Variants in CD200R1L observed in about 807,000 individuals in gnomAD.
The protein encoded by CD200R1L is cell surface glycoprotein CD200 receptor 2.
Under a neutral mutation model 24.8 loss-of-function variants are expected in CD200R1L, and 14 were observed. The observed-to-expected ratio is 0.56, with a 90% CI of 0.37 to 0.88. The LOEUF is 0.88. Ranked by LOEUF, CD200R1L falls within the 40% of genes least tolerant of loss-of-function variation. The probability of loss-of-function intolerance (pLI) is 0.00; values close to 1 mark genes in which losing one functional copy is unlikely to be tolerated. For missense variants in CD200R1L, 299 were observed against 297.8 expected (o/e 1.00, Z -0.03); for synonymous variants, 111 against 109.2 (o/e 1.02, Z -0.11).
At chr3:112,823,211 C>T (rs1464585414) in intron 6 of CD200R1L, among the ~76,000 whole-genome samples, 2 of 152,190 alleles carry the variant, frequency 1.3e-5, no homozygotes, top group African/African-American at 2.4e-5. Flanking sequence ...TCTGTGTTAC[C>T]CGAATGGCTG....
At chr3:112,831,655 G>A (rs921714232) in intron 3 of CD200R1L, among the ~76,000 whole-genome samples, 19 of 152,200 alleles carry the variant, frequency 1.2e-4, no homozygotes, top group African/African-American at 4.1e-4. Flanking sequence ...TGGACACAGG[G>A]AAAGCACCAT....
chr3:112,822,486 C>T (rs538280604), intron 6 of CD200R1L, among the ~76,000 whole-genome samples: 1 of 152,256 alleles, frequency 6.6e-6, no homozygotes, highest in East Asian at 1.9e-4. Context: ...AGAGCCTCCA[C>T]AAAAACTCTA....
intron 3 of CD200R1L, among the ~76,000 whole-genome samples, chr3:112,836,620 G>A (rs980162135): frequency 2.0e-5 from 3 of 152,302 alleles, no homozygotes; most frequent in Admixed American, 1.3e-4. Context: ...CAACAGTGAC[G>A]AATTTGCCAA....
Position 112,837,992 on chromosome 3 carries a change from C to T in CD200R1L, c.-68G>A, listed in dbSNP as rs1938998186. The T allele has an allele frequency of 1.6e-6, 2 of 1,237,498 alleles. No individual in the cohort carries two copies. Among genetic ancestry groups the T allele is most frequent in the Non-Finnish European group, 2.1e-6 (2 of 965,232 alleles). 76.7% of individuals were successfully genotyped at this position (1,237,498 alleles called of 1,614,324 possible). A position where few individuals can be genotyped will look rare whatever the true frequency, so the allele number is the denominator to read the frequency against. ...TTGTATTTCCAGTTGTGTCATCAGA[C>T]AGGAATTATTATCTGAGGCTAGAAA... On this transcript the variant is annotated 5_prime_UTR_variant, in exon 3 of 8. Coordinates refer to ENST00000488794, the MANE Select transcript of CD200R1L (RefSeq NM_001199215.3).
intron 7 of CD200R1L, among the ~76,000 whole-genome samples, chr3:112,817,472 G>T (rs2107325344): frequency 6.6e-6 from 1 of 152,148 alleles, no homozygotes; most frequent in South Asian, 2.1e-4. Flanking sequence ...TCCAGGCCTG[G>T]CCCATAAACA....
chr3:112,842,238 C>T (rs751314554), intron 2 of CD200R1L, among the ~76,000 whole-genome samples: 17 of 152,164 alleles, frequency 1.1e-4, no homozygotes, highest in Non-Finnish European at 2.2e-4. Context: ...AGCAGTGTTG[C>T]GGGAAGTCAG....
chr3:112,838,168 A>G (rs1465247741), intron 2 of CD200R1L, among the ~76,000 whole-genome samples, 158 bp from the exon 3 acceptor site: 1 of 146,714 alleles, frequency 6.8e-6, no homozygotes, highest in African/African-American at 2.8e-5. Flanking sequence ...TCTACATAAA[A>G]GAAATCAGCA....
At chr3:112,829,138 T>A (rs1260595250) in intron 4 of CD200R1L, among the ~76,000 whole-genome samples, 181 bp downstream of exon 4, 1 of 152,060 alleles carries the variant, frequency 6.6e-6, no homozygotes, top group Non-Finnish European at 1.5e-5. Flanking sequence ...TAAGCAAGAG[T>A]ATGGCTTGTT....
At chr3:112,839,358 G>A (rs1939030219) in intron 2 of CD200R1L, among the ~76,000 whole-genome samples, 1 of 152,164 alleles carries the variant, frequency 6.6e-6, no homozygotes, top group Non-Finnish European at 1.5e-5. Flanking sequence ...GATAATCCTA[G>A]TCAAATACTT....
chr3:112,817,858 G>T (rs571544545), intron 7 of CD200R1L, among the ~76,000 whole-genome samples: 4 of 152,320 alleles, frequency 2.6e-5, no homozygotes, highest in South Asian at 4.1e-4. Context: ...ACAAAAAGAG[G>T]TTTAATTGGA....
chr3:112,844,857 G>C (rs912617301), intron 2 of CD200R1L, among the ~76,000 whole-genome samples: 10 of 152,182 alleles, frequency 6.6e-5, no homozygotes, highest in Admixed American at 6.5e-4. Context: ...CCAGGAGGCA[G>C]AGGTTGCAGT....
At chr3:112,844,548 T>C (rs1939156446) in intron 2 of CD200R1L, among the ~76,000 whole-genome samples, 1 of 152,090 alleles carries the variant, frequency 6.6e-6, no homozygotes, top group African/African-American at 2.4e-5. Context: ...GCAAAAACAG[T>C]ATTAAGAGAA....
intron 2 of CD200R1L, among the ~76,000 whole-genome samples, chr3:112,842,759 G>C (rs1005463371): frequency 1.3e-5 from 2 of 152,130 alleles, no homozygotes; most frequent in African/African-American, 2.4e-5. Context: ...CGGGAGATGC[G>C]CCTGGTCTTC....
At chr3:112,819,934 T>C (rs1938493787) in intron 6 of CD200R1L, 39 bp from the exon 7 acceptor site, 1 of 1,528,502 alleles carries the variant, frequency 6.5e-7, no homozygotes, top group African/African-American at 1.4e-5. Context: ...ATTTCAAGCA[T>C]TCTTCTAGTT....
chr3:112,834,234 CTTTTT>C (rs5851866), intron 3 of CD200R1L, among the ~76,000 whole-genome samples: 6 of 93,344 alleles, frequency 6.4e-5, no homozygotes, highest in East Asian at 3.2e-4. Flanking sequence ...CACCATCATT[CTTTTT>C]TTTTTTTTTT....
chr3:112,828,052 G>A (rs1027584134), intron 4 of CD200R1L, among the ~76,000 whole-genome samples: 1 of 152,150 alleles, frequency 6.6e-6, no homozygotes, highest in African/African-American at 2.4e-5. Context: ...CTAATCTTTA[G>A]GTGGTAGAGA....
intron 7 of CD200R1L, among the ~76,000 whole-genome samples, chr3:112,816,903 G>T (rs1406826754): frequency 6.6e-6 from 1 of 152,088 alleles, no homozygotes; most frequent in Non-Finnish European, 1.5e-5. Context: ...CTCTCTCTTT[G>T]CCTGTCACCA....
At chr3:112,841,119 T>C in intron 2 of CD200R1L, 2 of 212,808 alleles carry the variant, frequency 9.4e-6, no homozygotes, top group South Asian at 5.2e-5. Context: ...TGATCCTGAG[T>C]GGGGCCTGGT....
In CD200R1L at chr3:112,829,218, T is replaced by C. The variant is rs1199597871; in HGVS notation, c.49+101A>G. 2.9e-5 allele frequency: 24 copies of C among 830,016 alleles called. No homozygotes were observed. The South Asian group carries it at 3.6e-4, about 13-fold the overall frequency. The allele number at this position is 830,016 out of a possible 1,614,324, so 51.4% of individuals were successfully genotyped here. A position where few individuals can be genotyped will look rare whatever the true frequency, so the allele number is the denominator to read the frequency against. Reference sequence around the variant, plus strand: ...CACTCAGATCAACATGTTCTTCAAGTAGTCACAAGGCTGGCCTCCAGCCAG... The same window carrying C: ...CACTCAGATCAACATGTTCTTCAAGCAGTCACAAGGCTGGCCTCCAGCCAG... On this transcript the variant is annotated intron_variant, in intron 4 of 7. Transcript: ENST00000488794.
Sources: allele counts gnomAD v4.1 joint callset (sites outside exome capture counted in the v4.1 genomes callset), GRCh38; gene constraint gnomAD v4.1.1; transcripts MANE v1.5; gene names NCBI Gene and HGNC (gene_info 2026-07-23, HGNC 2026-07-21).